Variants in NCAM2 observed in about 807,000 individuals in gnomAD.
The protein encoded by NCAM2 is N-CAM-2.
In NCAM2, 30 loss-of-function variants were observed where a neutral mutation model predicts 98.1. The observed-to-expected ratio is 0.31, with a 90% CI of 0.23 to 0.41. The LOEUF (loss-of-function observed/expected upper bound fraction) is 0.41. NCAM2 is among the 10% of genes least tolerant of loss of function. The pLI, the probability that NCAM2 is intolerant of heterozygous loss-of-function variation, is 1.00. For missense variants in NCAM2, 867 were observed against 1,005.8 expected, an observed-to-expected ratio of 0.86 and a Z score of 1.87; for synonymous variants, 368 against 342.4, an observed-to-expected ratio of 1.07 and a Z score of -0.83.
At chr21:21,283,168 C>A (rs978321409) in intron 2 of NCAM2, among the ~76,000 whole-genome samples, 1 of 151,820 alleles carries the variant, frequency 6.6e-6, no homozygotes, top group Non-Finnish European at 1.5e-5. Context: ...ACTAAACTTT[C>A]TTTCATACTT....
chr21:21,109,644 A>G (rs2066416955), intron 1 of NCAM2, among the ~76,000 whole-genome samples: 1 of 152,162 alleles, frequency 6.6e-6, no homozygotes. Context: ...TAAGACTTTG[A>G]CAATGTGTTG....
chr21:21,182,225 C>T lies in NCAM2; in HGVS notation c.56-98353C>T, dbSNP rs564809527. On this transcript the variant is annotated intron_variant, in intron 1 of 17. Coordinates refer to ENST00000400546, the MANE Select transcript of NCAM2 (RefSeq NM_004540.5). ...TTTAACTGGTATTGATATAAACCTT[C>T]CCATGTTGATTCATGTAGAGTATTA... Among the ~76,000 whole-genome samples the T allele has an allele frequency of 1.5e-4, 23 of 152,048 alleles. No individual in the cohort carries two copies. The South Asian group carries it at 4.6e-3, about 30-fold the overall frequency.
At chr21:21,306,245 C>T (rs971288609) in intron 5 of NCAM2, among the ~76,000 whole-genome samples, 1 of 152,100 alleles carries the variant, frequency 6.6e-6, no homozygotes, top group Non-Finnish European at 1.5e-5. Context: ...ATCTTTTTAA[C>T]CTACTTGCTC....
At chr21:21,271,496 C>A (rs2072497067) in intron 1 of NCAM2, among the ~76,000 whole-genome samples, 1 of 152,046 alleles carries the variant, frequency 6.6e-6, no homozygotes, top group Non-Finnish European at 1.5e-5. Flanking sequence ...TAATATCATG[C>A]CTTTAAACTT....
chr21:21,525,851 G>T (rs888107065), intron 16 of NCAM2, among the ~76,000 whole-genome samples: 1 of 151,894 alleles, frequency 6.6e-6, no homozygotes, highest in Non-Finnish European at 1.5e-5. Flanking sequence ...CTGGTTCAAC[G>T]TTAAAAAATC....
At chr21:21,038,272 G>A (rs756387781) in intron 1 of NCAM2, among the ~76,000 whole-genome samples, 3 of 152,104 alleles carry the variant, frequency 2.0e-5, no homozygotes, top group Non-Finnish European at 4.4e-5. Flanking sequence ...GTATATAAAA[G>A]AAAATGTATA....
intron 16 of NCAM2, among the ~76,000 whole-genome samples, chr21:21,517,307 T>C (rs542999746): frequency 1.3e-5 from 2 of 152,350 alleles, no homozygotes; most frequent in South Asian, 4.1e-4. Context: ...ATTCATTTCT[T>C]AGCATTGTTT....
intron 8 of NCAM2, among the ~76,000 whole-genome samples, chr21:21,351,881 G>T (rs2147944824): frequency 6.6e-6 from 1 of 152,200 alleles, no homozygotes; most frequent in Admixed American, 6.5e-5. Flanking sequence ...GGAGTTGCTA[G>T]GATTACAGGC....
At position 21,182,899 on chromosome 21, in the gene NCAM2, T is replaced by A. The variant is rs1458451136; in HGVS notation, c.56-97679T>A. ...TCAAAGTGTTCTATGGAACATTTGC[T>A]CTTCTGTGAGACAAAATAAATAGTC... On this transcript the variant is annotated intron_variant, in intron 1 of 17. Coordinates refer to ENST00000400546, the MANE Select transcript of NCAM2 (RefSeq NM_004540.5). Among the ~76,000 whole-genome samples the A allele has an allele frequency of 7.9e-5, 12 of 152,176 alleles. No individual in the cohort carries two copies. The East Asian group carries it at 2.1e-3, about 27-fold the overall frequency.
At chr21:21,303,023 T>G (rs1013951987) in intron 5 of NCAM2, among the ~76,000 whole-genome samples, 1 of 152,126 alleles carries the variant, frequency 6.6e-6, no homozygotes, top group African/African-American at 2.4e-5. Context: ...CCACATATTT[T>G]CACTTGCAAG....
intron 1 of NCAM2, among the ~76,000 whole-genome samples, chr21:21,258,870 C>A (rs1447359599): frequency 6.6e-6 from 1 of 152,084 alleles, no homozygotes; most frequent in African/African-American, 2.4e-5. Flanking sequence ...ACATCTACGT[C>A]TAGGTTTGGG....
intron 1 of NCAM2, among the ~76,000 whole-genome samples, chr21:21,245,358 C>G (rs1033905324): frequency 4.6e-5 from 7 of 152,286 alleles, no homozygotes; most frequent in African/African-American, 1.7e-4. Context: ...TGAGTGATTG[C>G]ATATGTGTTC....
intron 1 of NCAM2, among the ~76,000 whole-genome samples, chr21:21,012,718 A>T (rs1031683576): frequency 6.6e-6 from 1 of 151,228 alleles, no homozygotes; most frequent in East Asian, 1.9e-4. Context: ...TTTTTTTACA[A>T]CTCGAATGTC....
At chr21:21,077,190 G>T (rs1466239825) in intron 1 of NCAM2, among the ~76,000 whole-genome samples, 1 of 152,122 alleles carries the variant, frequency 6.6e-6, no homozygotes, top group Non-Finnish European at 1.5e-5. Flanking sequence ...GCCCGTCAGA[G>T]ATTATTTATT....
At chr21:21,436,015 G>A (rs1297094785) in intron 12 of NCAM2, among the ~76,000 whole-genome samples, 1 of 152,144 alleles carries the variant, frequency 6.6e-6, no homozygotes, top group African/African-American at 2.4e-5. Flanking sequence ...TGTAAGATAT[G>A]TGTGTCTGGC....
chr21:21,266,692 A>G (rs1419797834), intron 1 of NCAM2, among the ~76,000 whole-genome samples: 1 of 151,186 alleles, frequency 6.6e-6, no homozygotes, highest in Non-Finnish European at 1.5e-5. Context: ...GGACACAGCA[A>G]GGGGAACATC....
rs34019227 is a variant in NCAM2, at chr21:21,200,409, G to GAA, written c.56-80154_56-80153dup. On this transcript the variant is annotated intron_variant, in intron 1 of 17. Transcript: ENST00000400546. ...TTCCAAGTAAGACAACCCCATGCCTGAAAAAAAAAAAAAAAAGCCTTGAAA... is the reference window on the plus strand; with the variant it reads ...TTCCAAGTAAGACAACCCCATGCCTGAAAAAAAAAAAAAAAAAAGCCTTGAAA... Among the ~76,000 whole-genome samples, 356 of 134,798 alleles carry GAA rather than the reference G, an allele frequency of 2.6e-3. 13 individuals are homozygous for GAA. The highest frequency in any genetic ancestry group is 0.019 in the East Asian group (84 of 4,402). 88.4% of individuals were successfully genotyped at this position (134,798 alleles called of 152,430 possible).
At chr21:21,520,202 A>G (rs867095926) in intron 16 of NCAM2, among the ~76,000 whole-genome samples, 1 of 152,182 alleles carries the variant, frequency 6.6e-6, no homozygotes, top group African/African-American at 2.4e-5. Context: ...ACTTCTGTGA[A>G]TACAACTTGT....
chr21:21,236,796 G>C (rs937568756), intron 1 of NCAM2, among the ~76,000 whole-genome samples: 2 of 150,854 alleles, frequency 1.3e-5, no homozygotes, highest in African/African-American at 4.9e-5. Flanking sequence ...GCATGCACAC[G>C]TGTGCATTTT....
Sources: gnomAD v4.1 joint callset for allele counts (sites outside exome capture counted in the v4.1 genomes callset) on GRCh38, gnomAD v4.1.1 for gene constraint, MANE v1.5 for transcripts, NCBI Gene and HGNC (gene_info 2026-07-23, HGNC 2026-07-21) for gene names.